Variants in SND1 observed in about 807,000 individuals in gnomAD.
The protein encoded by SND1 is staphylococcal nuclease domain-containing protein 1.
Under a neutral mutation model 121.7 loss-of-function variants are expected in SND1, and 38 were observed. That is an observed-to-expected ratio of 0.31 (90% confidence interval 0.24 to 0.41). The LOEUF is 0.41. Among genes scored for constraint, SND1 ranks in the 10% least tolerant of loss-of-function variants. The pLI is 1.00. For synonymous variants in SND1, 401 were observed against 447.4 expected, an observed-to-expected ratio of 0.90 and a Z score of 1.31; for missense variants, 868 against 1,184.6, an observed-to-expected ratio of 0.73 and a Z score of 3.92.
chr7:128,072,726 C>T (rs1256960839), intron 16 of SND1, among the ~76,000 whole-genome samples: 2 of 152,146 alleles, frequency 1.3e-5, no homozygotes, highest in Non-Finnish European at 2.9e-5. Context: ...CATTCCTGGC[C>T]TCCCACTGGA....
At chr7:128,055,896 C>T (rs117565838) in intron 16 of SND1, among the ~76,000 whole-genome samples, 250 of 152,204 alleles carry the variant, frequency 1.6e-3, no homozygotes, top group Non-Finnish European at 2.0e-3. Flanking sequence ...GAGTGTGCTG[C>T]TCCCAGATGT....
intron 11 of SND1, among the ~76,000 whole-genome samples, chr7:127,811,707 C>A (rs1798337953): frequency 6.6e-6 from 1 of 152,148 alleles, no homozygotes; most frequent in African/African-American, 2.4e-5. Flanking sequence ...ATGATATTAT[C>A]TCTATTCTGG....
At chr7:127,733,054 C>G (rs1267687221) in intron 10 of SND1, among the ~76,000 whole-genome samples, 4 of 152,154 alleles carry the variant, frequency 2.6e-5, no homozygotes, top group Admixed American at 2.6e-4. Context: ...CAGCTTCTTT[C>G]TCATTCCCTT....
intron 15 of SND1, among the ~76,000 whole-genome samples, chr7:127,936,387 C>G (rs1383514864): frequency 6.6e-6 from 1 of 152,142 alleles, no homozygotes; most frequent in African/African-American, 2.4e-5. Context: ...CACACGTTTC[C>G]TTCCATGAGA....
chr7:127,744,871 A>G (rs971281593), intron 10 of SND1, among the ~76,000 whole-genome samples: 4 of 152,218 alleles, frequency 2.6e-5, no homozygotes, highest in African/African-American at 9.6e-5. Flanking sequence ...TGCTGCTTGG[A>G]GCAAACTCTG....
At chr7:127,800,523 T>C (rs1340427613) in intron 10 of SND1, among the ~76,000 whole-genome samples, 2 of 152,228 alleles carry the variant, frequency 1.3e-5, no homozygotes, top group Non-Finnish European at 1.5e-5. Flanking sequence ...TGGCCAGTTA[T>C]TCTGCTGAAG....
chr7:128,055,541 A>G (rs1480934248), intron 16 of SND1, among the ~76,000 whole-genome samples: 1 of 152,156 alleles, frequency 6.6e-6, no homozygotes, highest in African/African-American at 2.4e-5. Flanking sequence ...AGAAGTAATG[A>G]TGAGTTTTGG....
intron 12 of SND1, among the ~76,000 whole-genome samples, chr7:127,863,566 G>A (rs1799416788): frequency 6.6e-6 from 1 of 152,178 alleles, no homozygotes; most frequent in Non-Finnish European, 1.5e-5. Context: ...AGTGCTATAT[G>A]AATGTCATAT....
chr7:128,028,660 G>GT (rs1803552583), intron 16 of SND1: 1 of 1,594,764 alleles, frequency 6.3e-7, no homozygotes. Flanking sequence ...CATTTTATAA[G>GT]TTTTTTGGGG....
chr7:127,865,293 T>A (rs1799448284), intron 12 of SND1, among the ~76,000 whole-genome samples: 1 of 152,216 alleles, frequency 6.6e-6, no homozygotes, highest in Non-Finnish European at 1.5e-5. Context: ...CTATAAAGAA[T>A]TTGAAGTTCG....
chr7:127,782,934 A>G (rs552863807), intron 10 of SND1, among the ~76,000 whole-genome samples: 2 of 152,340 alleles, frequency 1.3e-5, no homozygotes, highest in South Asian at 2.1e-4. Context: ...ATTTTCCTAA[A>G]TAGGAAGTAG....
chr7:128,078,275 CCT>C (rs1793540338), intron 17 of SND1, among the ~76,000 whole-genome samples: 1 of 152,250 alleles, frequency 6.6e-6, no homozygotes. Flanking sequence ...CAGCTGGTCA[CCT>C]CCATCCCCAC....
intron 6 of SND1, 147 bp downstream of exon 6, chr7:127,702,673 G>A: frequency 3.0e-6 from 2 of 658,722 alleles, no homozygotes; most frequent in Non-Finnish European, 5.5e-6. Context: ...TTTAAACTTT[G>A]TAGTACGACA....
At chr7:128,024,468 CCT>C (rs1563091988) in intron 16 of SND1, among the ~76,000 whole-genome samples, 1 of 152,160 alleles carries the variant, frequency 6.6e-6, no homozygotes, top group Non-Finnish European at 1.5e-5. Flanking sequence ...GCCCTGGCCC[CCT>C]GAGGTAGAAG....
At chr7:127,922,311 C>T (rs1043576419) in intron 14 of SND1, among the ~76,000 whole-genome samples, 1 of 151,020 alleles carries the variant, frequency 6.6e-6, no homozygotes, top group Non-Finnish European at 1.5e-5. Flanking sequence ...GGCCACCGTG[C>T]CTGGCTCAGA....
rs529830415 is a variant in SND1, at chr7:128,032,624, C to T, written c.1779+41568C>T. ...CCGCGGCGGGGCTGCTGCATTTGGC[C>T]TGCCTCTCGCCCGGCCCGCGTCATC... is the stretch of plus-strand genomic sequence containing the variant. On this transcript the variant is annotated intron_variant, in intron 16 of 23. Coordinates refer to ENST00000354725, the MANE Select transcript of SND1 (RefSeq NM_014390.4). 1.2e-3 allele frequency among the ~76,000 whole-genome samples: 188 copies of T among 152,148 alleles called. 5 individuals are homozygous for T. The South Asian group carries it at 0.037, about 30-fold the overall frequency.
chr7:128,086,425 T>C (rs1430675279), intron 20 of SND1: 1 of 216,526 alleles, frequency 4.6e-6, no homozygotes, highest in East Asian at 1.3e-4. Context: ...AGCCCAGAGT[T>C]GGGCCATGCT....
intron 10 of SND1, among the ~76,000 whole-genome samples, chr7:127,743,292 CTG>C (rs1796916230): frequency 6.6e-6 from 1 of 152,216 alleles, no homozygotes; most frequent in Admixed American, 6.5e-5. Flanking sequence ...CCTCTACAGT[CTG>C]TGGGAACCTC....
intron 15 of SND1, among the ~76,000 whole-genome samples, chr7:127,971,749 A>G (rs1801993715): frequency 6.6e-6 from 1 of 152,080 alleles, no homozygotes; most frequent in Non-Finnish European, 1.5e-5. Context: ...CACAAGTCGT[A>G]AGTATACAGC....
Sources: allele counts gnomAD v4.1 joint callset (sites outside exome capture counted in the v4.1 genomes callset), GRCh38; gene constraint gnomAD v4.1.1; transcripts MANE v1.5; gene names NCBI Gene and HGNC (gene_info 2026-07-23, HGNC 2026-07-21).